MPRIP: variants seen among roughly 807,000 people sequenced by gnomAD.
MPRIP encodes the protein myosin phosphatase Rho interacting protein, also known as myosin phosphatase Rho-interacting protein.
Under a neutral mutation model 234.9 loss-of-function variants are expected in MPRIP, and 59 were observed. The observed-to-expected ratio is 0.25, with a 90% CI of 0.20 to 0.31. MPRIP has a LOEUF of 0.31. Ranked by LOEUF, MPRIP falls within the 10% of genes least tolerant of loss-of-function variation. The probability of loss-of-function intolerance (pLI) is 1.00; values close to 1 mark genes in which losing one functional copy is unlikely to be tolerated. For synonymous variants in MPRIP, 1,144 were observed against 1,263.9 expected, an observed-to-expected ratio of 0.91 and a Z score of 2.01; for missense variants, 2,436 against 3,071.0, an observed-to-expected ratio of 0.79 and a Z score of 4.89.
intron 13 of MPRIP, among the ~76,000 whole-genome samples, chr17:17,157,805 G>T (rs893221533): frequency 6.6e-6 from 1 of 150,674 alleles, no homozygotes; most frequent in East Asian, 2.0e-4. Flanking sequence ...TCCAGCCTGG[G>T]TAACAAGAGT....
chr17:17,072,059 G>T (rs2089207845), intron 1 of MPRIP, among the ~76,000 whole-genome samples: 1 of 152,226 alleles, frequency 6.6e-6, no homozygotes, highest in Non-Finnish European at 1.5e-5. Flanking sequence ...GGACCGTCTG[G>T]AAGAGAATAC....
At chr17:17,120,945 G>T (rs574804733) in intron 3 of MPRIP, among the ~76,000 whole-genome samples, 1 of 152,322 alleles carries the variant, frequency 6.6e-6, no homozygotes, top group East Asian at 1.9e-4. Flanking sequence ...AGAGGCAGGG[G>T]AGGGGAGAGG....
At chr17:17,150,347 T>C (rs3744133) in intron 12 of MPRIP, 114 bp downstream of exon 12, 57,186 of 734,882 alleles carry the variant, frequency 0.078, 3,510 homozygotes, top group East Asian at 0.2. Context: ...GCGTGTATGG[T>C]CAGCACTTAG....
chr17:17,068,616 C>T (rs532775313), intron 1 of MPRIP, among the ~76,000 whole-genome samples: 10 of 151,632 alleles, frequency 6.6e-5, no homozygotes, highest in East Asian at 3.9e-4. Context: ...CTGCAACCTC[C>T]GCCTCCCGGT....
rs1555569473 is a variant in MPRIP at position 17,096,002 on chromosome 17, C to CCCA, written c.267+17926_267+17927insCCA. Among the ~76,000 whole-genome samples, 26 of 152,070 alleles carry CCCA rather than the reference C, an allele frequency of 1.7e-4. No individual in the cohort carries two copies. In the South Asian group the frequency reaches 5.4e-3, roughly 32 times the overall value. On this transcript the variant is annotated intron_variant, in intron 3 of 23. Coordinates refer to ENST00000651222, the MANE Select transcript of MPRIP (RefSeq NM_001364716.4). ...TCCTTGAGAGTTTATACCTCCCCCC[C>CCCA]ACACACACTTTATGGTCATATTAAT...
intron 1 of MPRIP, among the ~76,000 whole-genome samples, chr17:17,068,960 T>A (rs1312570146): frequency 6.6e-6 from 1 of 152,250 alleles, no homozygotes; most frequent in Non-Finnish European, 1.5e-5. Flanking sequence ...TCTTTTCTAA[T>A]GTGAGCATCA....
rs1285842506 is a variant in MPRIP, at chr17:17,070,202, T to G, written c.124-5508T>G. Among the ~76,000 whole-genome samples, 3 of 152,194 alleles carry G rather than the reference T, an allele frequency of 2.0e-5. No individual in the cohort carries two copies. In the East Asian group the frequency reaches 5.8e-4, roughly 29 times the overall value. ...TTTTTTTTCTCTGGCTTTCTTTGTC[T>G]TTTAGGTTTTTCTTTAGTTTAGTTA... On this transcript the variant is annotated intron_variant, in intron 1 of 23. Transcript: ENST00000651222.
intron 3 of MPRIP, among the ~76,000 whole-genome samples, chr17:17,088,117 T>C (rs1057439404): frequency 2.0e-5 from 3 of 152,346 alleles, no homozygotes; most frequent in Middle Eastern, 6.8e-3. Flanking sequence ...TCCACTTAGG[T>C]GCTCTCTGTT....
Position 17,108,820 on chromosome 17 carries a change from A to T in MPRIP, c.268-17882A>T, listed in dbSNP as rs2090113232. On this transcript the variant is annotated intron_variant, in intron 3 of 23. Transcript: ENST00000651222. ...TCTGCCTGGCAGGCCTTTGGGCAGA[A>T]AAGGCAGTTACACCATGTGGCATGG... is the stretch of plus-strand genomic sequence containing the variant. 2.6e-5 allele frequency among the ~76,000 whole-genome samples: 4 copies of T among 152,226 alleles called. No individual in the cohort carries two copies. The South Asian group carries it at 8.3e-4, about 32-fold the overall frequency.
intron 3 of MPRIP, among the ~76,000 whole-genome samples, chr17:17,084,129 C>A (rs760837397): frequency 6.6e-6 from 1 of 152,194 alleles, no homozygotes; most frequent in Admixed American, 6.5e-5. Flanking sequence ...TGCTGAGGCA[C>A]CTCCCGGGCA....
In MPRIP at chr17:17,164,955, G is replaced by A; in HGVS notation, c.3364G>A (p.Ala1122Thr). 1.5e-6 allele frequency: 2 copies of A among 1,303,578 alleles called. No homozygotes were observed. The highest frequency in any genetic ancestry group is 1.0e-6 in the Non-Finnish European group (1 of 988,876). 80.8% of individuals were successfully genotyped at this position (1,303,578 alleles called of 1,614,324 possible). A position where few individuals can be genotyped will look rare whatever the true frequency, so the allele number is the denominator to read the frequency against. The part of the protein sequence containing the change: ...QRFQELTERV[A>T]TSDEDVAELR... ...GTTCCAGGAGCTGACAGAGCGCGTG[G>A]CCACGTCCGACGAGGATGTGGCTGA... Residue 1122 changes from alanine to threonine, a missense_variant, in exon 16 of 24, where the codon GCC (alanine) becomes ACC (threonine). Transcript: ENST00000651222.
At chr17:17,177,182 A>G (rs2046273144) in intron 21 of MPRIP, 68 bp from the exon 22 acceptor site, 3 of 1,478,612 alleles carry the variant, frequency 2.0e-6, no homozygotes, top group Non-Finnish European at 9.4e-7. Flanking sequence ...CCCCAGGAAG[A>G]CAGGCCATGT....
At chr17:17,069,406 C>T (rs760862276) in intron 1 of MPRIP, among the ~76,000 whole-genome samples, 1 of 151,046 alleles carries the variant, frequency 6.6e-6, no homozygotes, top group Non-Finnish European at 1.5e-5. Context: ...GTATTTAGAT[C>T]ATTTACATTT....
intron 1 of MPRIP, among the ~76,000 whole-genome samples, chr17:17,067,482 A>T (rs775766325): frequency 6.6e-6 from 1 of 152,194 alleles, no homozygotes; most frequent in Non-Finnish European, 1.5e-5. Flanking sequence ...GGGAAGATGG[A>T]GCAGGACGAT....
Position 17,109,240 on chromosome 17 carries a change from A to G in MPRIP, c.268-17462A>G, listed in dbSNP as rs552074927. 1.0e-3 allele frequency among the ~76,000 whole-genome samples: 154 copies of G among 152,314 alleles called. No individual in the cohort carries two copies. The South Asian group carries it at 0.014, about 14-fold the overall frequency. The stretch of plus-strand genomic sequence containing the variant: ...GTTGCAGGTTCTTCTCTGAGAATTC[A>G]CCAGAGGGACTTCCAGACAGTGGTG... On this transcript the variant is annotated intron_variant, in intron 3 of 23. Transcript: ENST00000651222.
intron 1 of MPRIP, among the ~76,000 whole-genome samples, chr17:17,056,039 A>G (rs2088685390): frequency 6.6e-6 from 1 of 152,190 alleles, no homozygotes; most frequent in Admixed American, 6.5e-5. Context: ...CTGTCTCCAC[A>G]TGACTCGAGA....
intron 4 of MPRIP, among the ~76,000 whole-genome samples, chr17:17,127,171 T>G (rs1362647022): frequency 6.6e-6 from 1 of 152,228 alleles, no homozygotes; most frequent in Non-Finnish European, 1.5e-5. Flanking sequence ...CTGAATCATA[T>G]GACCTGGGCA....
intron 1 of MPRIP, chr17:17,057,506 G>C: frequency 1.5e-6 from 1 of 686,438 alleles, no homozygotes; most frequent in South Asian, 1.6e-5. Context: ...TAGGTGCTGG[G>C]AGCTGCTGGC....
In MPRIP at chr17:17,177,258, G is replaced by A. The variant is rs2046275029; in HGVS notation, c.6966G>A (p.Lys2322=). The change falls in exon 22 of 24, where the codon AAG becomes AAA. Residue 2322 remains lysine (K), a synonymous_variant. Transcript: ENST00000651222. ...GTCATTTCACTCCCAAGGACAAGAA[G>A]TACGCAAGTGACAAGTACAAAGACA... ...DELQTALRDK[K]YASDKYKDIY... 1 of 1,611,850 alleles carries A rather than the reference G, an allele frequency of 6.2e-7. No individual in the cohort carries two copies. Among genetic ancestry groups the A allele is most frequent in the Non-Finnish European group, 8.5e-7 (1 of 1,178,920 alleles).
Sources: gnomAD v4.1 joint callset for allele counts (sites outside exome capture counted in the v4.1 genomes callset) on GRCh38, gnomAD v4.1.1 for gene constraint, MANE v1.5 for transcripts, NCBI Gene and HGNC (gene_info 2026-07-23, HGNC 2026-07-21) for gene names.